PDS5B: variants seen among roughly 807,000 people sequenced by gnomAD.
The protein encoded by PDS5B is PDS5 cohesin associated factor B, also known as sister chromatid cohesion protein PDS5 homolog B.
PDS5B carries 51 observed loss-of-function variants against 184.1 expected under a neutral mutation model. The ratio of observed to expected loss-of-function variants is 0.28; its 90% confidence interval spans 0.22 to 0.35. PDS5B has a LOEUF of 0.35. Among genes scored for constraint, PDS5B ranks in the 10% least tolerant of loss-of-function variants. The pLI, the probability that PDS5B is intolerant of heterozygous loss-of-function variation, is 1.00. For missense variants in PDS5B, 1,180 were observed against 1,723.3 expected (o/e 0.68, Z 5.58); for synonymous variants, 566 against 569.2 (o/e 0.99, Z 0.08).
chr13:32,672,871 G>T (rs1459411238), intron 7 of PDS5B, among the ~76,000 whole-genome samples: 2 of 152,036 alleles, frequency 1.3e-5, no homozygotes, highest in Admixed American at 6.5e-5. Context: ...AGCTATCTAG[G>T]TATCCCTTAA....
At chr13:32,611,130 CTT>C (rs1252836210) in intron 1 of PDS5B, among the ~76,000 whole-genome samples, 1 of 151,940 alleles carries the variant, frequency 6.6e-6, no homozygotes, top group Non-Finnish European at 1.5e-5. Flanking sequence ...AGGATTTTGT[CTT>C]TTTTGTTTTT....
chr13:32,767,899 A>G (rs974335529), intron 31 of PDS5B, among the ~76,000 whole-genome samples: 1 of 152,256 alleles, frequency 6.6e-6, no homozygotes, highest in African/African-American at 2.4e-5. Context: ...CCTACCAGAT[A>G]CATAATTATA....
chr13:32,692,361 C>A (rs1217263415), intron 13 of PDS5B, among the ~76,000 whole-genome samples: 1 of 136,792 alleles, frequency 7.3e-6, no homozygotes. Context: ...AAGATGGTAT[C>A]GGGGTCTTTG....
At chr13:32,627,880 A>G (rs1352831473) in intron 1 of PDS5B, among the ~76,000 whole-genome samples, 1 of 152,160 alleles carries the variant, frequency 6.6e-6, no homozygotes, top group African/African-American at 2.4e-5. Flanking sequence ...AGGGAGAGAA[A>G]GAGAAGTTAG....
intron 1 of PDS5B, among the ~76,000 whole-genome samples, chr13:32,610,249 A>G (rs951581779): frequency 7.9e-5 from 12 of 152,244 alleles, no homozygotes; most frequent in African/African-American, 2.4e-4. Flanking sequence ...AGGGAGCCCA[A>G]TACAAAAATG....
At chr13:32,597,513 A>G (rs1485643369) in intron 1 of PDS5B, among the ~76,000 whole-genome samples, 1 of 150,888 alleles carries the variant, frequency 6.6e-6, no homozygotes, top group African/African-American at 2.4e-5. Context: ...GGTAACACAG[A>G]GAGATCCTGT....
rs1954942540 is a variant in PDS5B at position 32,775,870 on chromosome 13, A to G, written c.*818A>G. 9.9e-6 allele frequency: 3 copies of G among 304,366 alleles called. No individual in the cohort carries two copies. The highest frequency in any genetic ancestry group is 8.7e-5 in the South Asian group (3 of 34,620). 18.9% of individuals were successfully genotyped at this position (304,366 alleles called of 1,614,324 possible). A position where few individuals can be genotyped will look rare whatever the true frequency, so the allele number is the denominator to read the frequency against. On this transcript the variant is annotated 3_prime_UTR_variant, in exon 35 of 35. Transcript: ENST00000315596. Reference sequence around the variant, plus strand: ...TTTTATCATCCTTTCAGTTTTTATTAATCTACTGTATCAATAAAATTCTGT... The same window carrying G: ...TTTTATCATCCTTTCAGTTTTTATTGATCTACTGTATCAATAAAATTCTGT...
intron 30 of PDS5B, among the ~76,000 whole-genome samples, chr13:32,763,029 A>G (rs1367577744): frequency 2.6e-5 from 4 of 152,100 alleles, no homozygotes; most frequent in Non-Finnish European, 5.9e-5. Flanking sequence ...CTTTCTTTCA[A>G]TGTTTGACCA....
At chr13:32,682,403 T>C (rs1951272623) in intron 10 of PDS5B, among the ~76,000 whole-genome samples, 1 of 152,166 alleles carries the variant, frequency 6.6e-6, no homozygotes, top group Non-Finnish European at 1.5e-5. Context: ...TTTTTGAGGG[T>C]GGGGAATGGA....
chr13:32,644,163 C>T (rs529586146), intron 1 of PDS5B, among the ~76,000 whole-genome samples: 1 of 152,212 alleles, frequency 6.6e-6, no homozygotes, highest in African/African-American at 2.4e-5. Context: ...ATTTGTGTTA[C>T]CTGTTGTTAC....
chr13:32,693,681 ATATAT>A (rs1392922208), intron 13 of PDS5B, among the ~76,000 whole-genome samples: 5 of 149,552 alleles, frequency 3.3e-5, no homozygotes, highest in Non-Finnish European at 7.4e-5. Context: ...ATATATTATA[ATATAT>A]TAAACGACAT....
At chr13:32,609,394 T>TTC (rs2058107641) in intron 1 of PDS5B, among the ~76,000 whole-genome samples, 1 of 152,234 alleles carries the variant, frequency 6.6e-6, no homozygotes, top group Non-Finnish European at 1.5e-5. Flanking sequence ...GAGTTCTTAC[T>TTC]TCTGCATCAA....
chr13:32,634,943 C>A (rs2140589861), intron 1 of PDS5B, among the ~76,000 whole-genome samples: 1 of 151,846 alleles, frequency 6.6e-6, no homozygotes, highest in South Asian at 2.1e-4. Flanking sequence ...ATTTTACATT[C>A]CCATAAAATA....
Position 32,673,263 on chromosome 13 carries a change from G to A in PDS5B, c.753G>A (p.Leu251=). ...LMLGKTSISD[L]SEHVFDLILE... ...TTGGGAAAACATCTATCAGCGATTT[G>A]TCAGAGCATGTCTTTGACTTAATTT... The change falls in exon 8 of 35, where the codon TTG becomes TTA. Residue 251 remains leucine (L), a synonymous_variant. Coordinates refer to ENST00000315596, the MANE Select transcript of PDS5B (RefSeq NM_015032.4). 1.2e-6 allele frequency: 2 copies of A among 1,613,280 alleles called. No individual in the cohort carries two copies. Among genetic ancestry groups the A allele is most frequent in the Non-Finnish European group, 1.7e-6 (2 of 1,179,614 alleles).
chr13:32,647,169 ATTC>A (rs1049164397), intron 1 of PDS5B, among the ~76,000 whole-genome samples: 2 of 151,962 alleles, frequency 1.3e-5, no homozygotes, highest in Non-Finnish European at 2.9e-5. Flanking sequence ...TGAATCTCTC[ATTC>A]TTCTCTCTCT....
chr13:32,591,284 A>C (rs2057771800), intron 1 of PDS5B, among the ~76,000 whole-genome samples: 1 of 151,996 alleles, frequency 6.6e-6, no homozygotes, highest in South Asian at 2.1e-4. Flanking sequence ...GTGTGCCACC[A>C]TGCCCAGATA....
chr13:32,740,434 C>G (rs1953497755), intron 21 of PDS5B, among the ~76,000 whole-genome samples: 1 of 152,102 alleles, frequency 6.6e-6, no homozygotes, highest in Admixed American at 6.6e-5. Flanking sequence ...GGGAGTTTGC[C>G]TTTTTAGATG....
chr13:32,589,580 A>G (rs1308265916), intron 1 of PDS5B, among the ~76,000 whole-genome samples: 2 of 152,214 alleles, frequency 1.3e-5, no homozygotes, highest in Non-Finnish European at 2.9e-5. Context: ...TGGGAAAGTT[A>G]GTATTGACCT....
intron 10 of PDS5B, among the ~76,000 whole-genome samples, chr13:32,679,324 G>A (rs1373114796): frequency 1.3e-5 from 2 of 152,066 alleles, no homozygotes; most frequent in Non-Finnish European, 2.9e-5. Flanking sequence ...ATTGTTCCTG[G>A]AGACAGACAT....
Sources: allele counts gnomAD v4.1 joint callset (sites outside exome capture counted in the v4.1 genomes callset), GRCh38; gene constraint gnomAD v4.1.1; transcripts MANE v1.5; gene names NCBI Gene and HGNC (gene_info 2026-07-23, HGNC 2026-07-21).